The following CADPS variants were observed in gnomAD, a reference collection of about 807,000 sequenced individuals.
CADPS encodes the protein calcium-dependent secretion activator 1.
Under a neutral mutation model 167.3 loss-of-function variants are expected in CADPS, and 57 were observed. That is an observed-to-expected ratio of 0.34 (90% CI 0.28 to 0.42). The LOEUF (loss-of-function observed/expected upper bound fraction) is 0.42, where lower values mean the gene tolerates loss of function less well. CADPS is among the 20% of genes least tolerant of loss of function. The pLI is 1.00. For missense variants in CADPS, 1,414 were observed against 1,738.1 expected, an observed-to-expected ratio of 0.81 and a Z score of 3.32; for synonymous variants, 676 against 635.3, an observed-to-expected ratio of 1.06 and a Z score of -0.96.
intron 13 of CADPS, among the ~76,000 whole-genome samples, chr3:62,520,441 T>C (rs1301894482): frequency 6.6e-6 from 1 of 152,238 alleles, no homozygotes; most frequent in Non-Finnish European, 1.5e-5. Flanking sequence ...GATAGCAGCT[T>C]CTGCTTCGCT....
chr3:62,690,745 C>T (rs1174809167), intron 3 of CADPS, among the ~76,000 whole-genome samples: 1 of 151,808 alleles, frequency 6.6e-6, no homozygotes, highest in African/African-American at 2.4e-5. Context: ...AACCCACCTG[C>T]CTACTCACAG....
At chr3:62,549,447 G>GTTTTTTTT (rs3074235) in intron 11 of CADPS, among the ~76,000 whole-genome samples, 3 of 129,278 alleles carry the variant, frequency 2.3e-5, no homozygotes, top group Non-Finnish European at 3.2e-5. Context: ...CATGTTTTGT[G>GTTTTTTTT]TTTTTTTTTT....
chr3:62,475,426 A>T (rs1348615263), intron 23 of CADPS, among the ~76,000 whole-genome samples: 1 of 152,052 alleles, frequency 6.6e-6, no homozygotes, highest in Non-Finnish European at 1.5e-5. Context: ...GCCACCAGGA[A>T]AGCATTACTT....
intron 3 of CADPS, among the ~76,000 whole-genome samples, chr3:62,685,779 C>A (rs1386867525): frequency 2.0e-5 from 3 of 152,020 alleles, no homozygotes; most frequent in Non-Finnish European, 4.4e-5. Flanking sequence ...AACACACAAC[C>A]TAGATCCCTC....
At chr3:62,706,648 T>G (rs2082357926) in intron 3 of CADPS, among the ~76,000 whole-genome samples, 1 of 152,114 alleles carries the variant, frequency 6.6e-6, no homozygotes, top group East Asian at 1.9e-4. Flanking sequence ...CCACCCTTGG[T>G]GTTACTTGGC....
intron 3 of CADPS, among the ~76,000 whole-genome samples, chr3:62,663,935 A>G (rs1367066490): frequency 6.6e-6 from 1 of 152,186 alleles, no homozygotes; most frequent in African/African-American, 2.4e-5. Context: ...GTATTTTCCA[A>G]AGGGTGTTCT....
In CADPS at chr3:62,540,821, A is replaced by G. The variant is rs2075567664; in HGVS notation, c.1967-4240T>C. 2.0e-5 allele frequency among the ~76,000 whole-genome samples: 3 copies of G among 152,282 alleles called. No individual in the cohort carries two copies. The South Asian group carries it at 6.2e-4, about 32-fold the overall frequency. On this transcript the variant is annotated intron_variant, in intron 11 of 29. Coordinates refer to ENST00000383710, the MANE Select transcript of CADPS (RefSeq NM_003716.4). ...CACAGTGTCAAACATAAAAAAATAA[A>G]TGCTCCTTGCAACTCCATTTTTTCC...
chr3:62,655,084 C>T (rs916179265), intron 4 of CADPS, among the ~76,000 whole-genome samples: 7 of 152,110 alleles, frequency 4.6e-5, no homozygotes, highest in Non-Finnish European at 7.4e-5. Flanking sequence ...AATGATCACT[C>T]CTCCCAGAAC....
chr3:62,678,608 T>C (rs923766675), intron 3 of CADPS, among the ~76,000 whole-genome samples: 3 of 152,084 alleles, frequency 2.0e-5, no homozygotes, highest in Non-Finnish European at 4.4e-5. Flanking sequence ...CCCTGATAAG[T>C]GAGGGAGAAG....
At chr3:62,838,284 A>G (rs919095550) in intron 1 of CADPS, among the ~76,000 whole-genome samples, 20 of 152,208 alleles carry the variant, frequency 1.3e-4, no homozygotes, top group Non-Finnish European at 2.4e-4. Context: ...GGTGGGCTAC[A>G]CAATTGAAAG....
intron 6 of CADPS, among the ~76,000 whole-genome samples, chr3:62,613,658 G>T (rs946292396): frequency 1.3e-5 from 2 of 152,140 alleles, no homozygotes; most frequent in African/African-American, 4.8e-5. Flanking sequence ...ATGTACCAAA[G>T]AATTTCTTAT....
intron 1 of CADPS, among the ~76,000 whole-genome samples, chr3:62,833,324 A>T (rs568120126): frequency 2.0e-4 from 30 of 151,832 alleles, no homozygotes; most frequent in African/African-American, 4.6e-4. Flanking sequence ...CTTATTTTTT[A>T]AAAAAATTGT....
intron 7 of CADPS, among the ~76,000 whole-genome samples, chr3:62,592,281 C>T (rs895373761): frequency 1.3e-5 from 2 of 152,094 alleles, no homozygotes; most frequent in African/African-American, 4.8e-5. Context: ...TTGACTTTAA[C>T]ATTGTCAGGT....
At chr3:62,459,149 T>C (rs2059040955) in intron 26 of CADPS, among the ~76,000 whole-genome samples, 1 of 152,222 alleles carries the variant, frequency 6.6e-6, no homozygotes, top group South Asian at 2.1e-4. Flanking sequence ...AAGACTTCTC[T>C]AACTTTTTAA....
intron 4 of CADPS, among the ~76,000 whole-genome samples, chr3:62,659,912 C>CA (rs1451171565): frequency 3.9e-5 from 6 of 152,318 alleles, no homozygotes; most frequent in Non-Finnish European, 7.3e-5. Context: ...ATACCCTAGA[C>CA]AGGGACCCTC....
In CADPS at chr3:62,819,407, C is replaced by CGCGT. The variant is rs2094787101; in HGVS notation, c.442-53424_442-53423insACGC. On this transcript the variant is annotated intron_variant, in intron 1 of 29. Transcript: ENST00000383710. ...GTTTAAAGCAATGACAATCTGTGTG[C>CGCGT]GTGTGTGTGTGTGTGTGTGTGTGTG... is the stretch of plus-strand genomic sequence containing the variant. Among the ~76,000 whole-genome samples, 6 of 144,074 alleles carry CGCGT rather than the reference C, an allele frequency of 4.2e-5. No homozygotes were observed. In the South Asian group the frequency reaches 9.0e-4, roughly 22 times the overall value. 94.5% of individuals were successfully genotyped at this position (144,074 alleles called of 152,430 possible). A position where few individuals can be genotyped will look rare whatever the true frequency, so the allele number is the denominator to read the frequency against.
intron 1 of CADPS, among the ~76,000 whole-genome samples, chr3:62,792,913 A>G (rs1286924907): frequency 2.0e-5 from 3 of 152,174 alleles, no homozygotes; most frequent in African/African-American, 7.2e-5. Context: ...ATATTTATTG[A>G]TAACTTAGTT....
chr3:62,629,997 T>A (rs1032257853), intron 6 of CADPS, among the ~76,000 whole-genome samples: 4 of 152,156 alleles, frequency 2.6e-5, no homozygotes, highest in African/African-American at 9.7e-5. Context: ...ATCACACTAC[T>A]CTGTTTAATT....
At chr3:62,679,333 C>T (rs2076785467) in intron 3 of CADPS, among the ~76,000 whole-genome samples, 1 of 151,976 alleles carries the variant, frequency 6.6e-6, no homozygotes, top group South Asian at 2.1e-4. Flanking sequence ...GAACTAGGGC[C>T]ATCTTACTGG....
Sources: gnomAD v4.1 joint callset for allele counts (sites outside exome capture counted in the v4.1 genomes callset) on GRCh38, gnomAD v4.1.1 for gene constraint, MANE v1.5 for transcripts, NCBI Gene and HGNC (gene_info 2026-07-23, HGNC 2026-07-21) for gene names.